Variants in NOTCH2 observed in about 807,000 individuals in gnomAD.
The protein encoded by NOTCH2 is notch receptor 2, also known as neurogenic locus notch homolog protein 2.
In NOTCH2, 29 loss-of-function variants were observed where a neutral mutation model predicts 235.8. The ratio of observed to expected loss-of-function variants is 0.12; its 90% confidence interval spans 0.09 to 0.17. The LOEUF (loss-of-function observed/expected upper bound fraction) is 0.17, where lower values mean the gene tolerates loss of function less well. Among genes scored for constraint, NOTCH2 ranks in the 10% least tolerant of loss-of-function variants. The probability of loss-of-function intolerance (pLI) is 1.00; values close to 1 mark genes in which losing one functional copy is unlikely to be tolerated. For synonymous variants in NOTCH2, 1,086 were observed against 1,141.5 expected, an observed-to-expected ratio of 0.95 and a Z score of 0.98; for missense variants, 2,285 against 3,150.2, an observed-to-expected ratio of 0.73 and a Z score of 6.57.
rs1210174575 is a variant in NOTCH2 at position 120,069,610 on chromosome 1, GC to G, written c.-205del. The G allele has an allele frequency of 7.1e-7, 1 of 1,409,110 alleles. No individual in the cohort carries two copies. Among genetic ancestry groups the G allele is most frequent in the Admixed American group, 3.2e-5 (1 of 31,734 alleles). 87.3% of individuals were successfully genotyped at this position (1,409,110 alleles called of 1,614,324 possible). On this transcript the variant is annotated 5_prime_UTR_variant, in exon 1 of 34. Coordinates refer to ENST00000256646, the MANE Select transcript of NOTCH2 (RefSeq NM_024408.4). ...CCGCCGCTCCTCGGCCGCCGCCTCA[GC>G]CGCCGCCCGAAGTTTGGCTGAAACT...
At chr1:119,985,695 A>AT in intron 5 of NOTCH2, among the ~76,000 whole-genome samples, 1 of 152,104 alleles carries the variant, frequency 6.6e-6, no homozygotes, top group African/African-American at 2.4e-5. Flanking sequence ...AAAAACACAA[A>AT]TTTTTCCAGT....
chr1:119,966,234 T>TAC lies in NOTCH2; in HGVS notation c.1567+140_1567+141dup, dbSNP rs1475318733. Reference sequence around the variant, plus strand: ...AGCTAAAACAAATTCTCTATTTCTGTACACACACACTCCTATCACCAAGCA... The same window carrying TAC: ...AGCTAAAACAAATTCTCTATTTCTGTACACACACACACTCCTATCACCAAGCA... On this transcript the variant is annotated intron_variant, in intron 9 of 33. Transcript: ENST00000256646. The TAC allele has an allele frequency of 2.9e-5, 21 of 717,786 alleles. No individual in the cohort carries two copies. The Admixed American group carries it at 3.8e-4, about 13-fold the overall frequency. 44.5% of individuals were successfully genotyped at this position (717,786 alleles called of 1,614,324 possible).
chr1:119,944,575 A>AT (rs1380927210), intron 17 of NOTCH2, among the ~76,000 whole-genome samples: 2 of 151,622 alleles, frequency 1.3e-5, no homozygotes, highest in African/African-American at 2.4e-5. Flanking sequence ...ACCAACAGGC[A>AT]TTATAATCAA....
Position 119,926,501 on chromosome 1 carries a change from G to A in NOTCH2, c.4003C>T (p.Pro1335Ser), listed in dbSNP as rs867828762. The change falls in exon 24 of 34, where the codon CCG (proline) becomes TCG (serine). Residue 1335 changes from proline (P) to serine (S), a missense_variant and splice_region_variant. Coordinates refer to ENST00000256646, the MANE Select transcript of NOTCH2 (RefSeq NM_024408.4). ...TAGATGAGCAACAGGGCACTTACCG[G>A]GGGACAACGGCAAATGAAACCATCA... is the stretch of plus-strand genomic sequence containing the variant. ...MPDGFICRCP[P>S]GFSGARCQSS... The A allele has an allele frequency of 6.3e-7, 1 of 1,598,086 alleles. No homozygotes were observed. The highest frequency in any genetic ancestry group is 8.5e-7 in the Non-Finnish European group (1 of 1,169,954).
Position 119,965,559 on chromosome 1 carries a change from A to G in NOTCH2, c.1575T>C (p.Thr525=). 1 of 1,611,400 alleles carries G rather than the reference A, an allele frequency of 6.2e-7. No homozygotes were observed. The highest frequency in any genetic ancestry group is 1.7e-5 in the Admixed American group (1 of 60,030). Residue 525 remains threonine (T), a synonymous_variant, in exon 10 of 34, where the codon ACT becomes ACC. Coordinates refer to ENST00000256646, the MANE Select transcript of NOTCH2 (RefSeq NM_024408.4). ...CAATATCAATCTGGCAAACTGGCCC[A>G]GTGAAACCTCAAAAAGGGACAGTGG... The part of the protein sequence containing the change: ...RFQCLCPPGF[T]GPVCQIDIDD...
At position 120,029,965 on chromosome 1, in the gene NOTCH2, A is replaced by G; in HGVS notation, c.96T>C (p.Tyr32=). ...ACATTCCTTCATTTACACAGGGTTC[A>G]TAGCCATCTCGACACTGCAATGCTA... is the stretch of plus-strand genomic sequence containing the variant. ...PAHALQCRDG[Y]EPCVNEGMCV... is the part of the protein sequence containing the mutation. The change falls in exon 2 of 34, where the codon TAT becomes TAC. Residue 32 remains tyrosine, a synonymous_variant. Coordinates refer to ENST00000256646, the MANE Select transcript of NOTCH2 (RefSeq NM_024408.4). 2 of 673,966 alleles carry G rather than the reference A, an allele frequency of 3.0e-6. No homozygotes were observed. Among genetic ancestry groups the G allele is most frequent in the South Asian group, 1.8e-5 (1 of 55,412 alleles). 41.7% of individuals were successfully genotyped at this position (673,966 alleles called of 1,614,324 possible).
At position 119,948,459 on chromosome 1, in the gene NOTCH2, A is replaced by T; in HGVS notation, c.2707T>A (p.Phe903Ile). 6.2e-7 allele frequency: 1 copy of T among 1,614,206 alleles called. No individual in the cohort carries two copies. The highest frequency in any genetic ancestry group is 8.5e-7 in the Non-Finnish European group (1 of 1,180,040). The change falls in exon 17 of 34, where the codon TTC becomes ATC. Residue 903 changes from phenylalanine (F) to isoleucine (I), a missense_variant. Physicochemically the swap from Phe to Ile is conservative, Grantham distance 21. Coordinates refer to ENST00000256646, the MANE Select transcript of NOTCH2 (RefSeq NM_024408.4). ...TCCTCCTCACAGTCCATACCACTGA[A>T]GCCTGGTGGACATTCACACATGTAG... ...GSYMCECPPG[F>I]SGMDCEEDID...
chr1:119,970,103 G>GA (rs140139206), intron 5 of NOTCH2, among the ~76,000 whole-genome samples: 1 of 152,002 alleles, frequency 6.6e-6, no homozygotes, highest in Non-Finnish European at 1.5e-5. Context: ...AAATGAGTAA[G>GA]AAAAAATAAT....
intron 12 of NOTCH2, among the ~76,000 whole-genome samples, chr1:119,956,730 C>G (rs939873641): frequency 6.6e-6 from 1 of 152,132 alleles, no homozygotes; most frequent in Non-Finnish European, 1.5e-5. Flanking sequence ...TTGGTCTTTT[C>G]TTGGAAGCGT....
At chr1:120,003,512 T>G (rs1216669507) in intron 3 of NOTCH2, among the ~76,000 whole-genome samples, 37 of 152,024 alleles carry the variant, frequency 2.4e-4, no homozygotes, top group Admixed American at 7.2e-4. Flanking sequence ...CACTAACTGA[T>G]CCAGTATAGT....
chr1:119,959,613 C>T, intron 11 of NOTCH2, 111 bp from the exon 12 acceptor site: 2 of 724,938 alleles, frequency 2.8e-6, no homozygotes, highest in Non-Finnish European at 5.0e-6. Context: ...TCCAGCCAAC[C>T]CTGGACAGAA....
chr1:119,965,101 A>G (rs1214191817), intron 10 of NOTCH2, among the ~76,000 whole-genome samples: 2 of 152,236 alleles, frequency 1.3e-5, no homozygotes, highest in African/African-American at 4.8e-5. Flanking sequence ...AGAAACACAG[A>G]GCCAGGCCTC....
chr1:119,921,665 G>T, intron 29 of NOTCH2, 48 bp downstream of exon 29: 2 of 1,501,342 alleles, frequency 1.3e-6, no homozygotes, highest in Non-Finnish European at 1.9e-6. Flanking sequence ...AATTTGAAAT[G>T]TAACCAGATA....
intron 30 of NOTCH2, 68 bp from the exon 31 acceptor site, chr1:119,919,681 G>C (rs1311059543): frequency 3.4e-6 from 5 of 1,465,626 alleles, no homozygotes; most frequent in East Asian, 4.7e-5. Context: ...GGTTGAAACA[G>C]CTCTATTTGA....
intron 4 of NOTCH2, among the ~76,000 whole-genome samples, chr1:119,987,584 T>G (rs886921080): frequency 6.6e-6 from 1 of 152,142 alleles, no homozygotes; most frequent in African/African-American, 2.4e-5. Context: ...ACTTAAAGTA[T>G]GAAGATATGG....
At chr1:120,067,391 G>C (rs1460517592) in intron 1 of NOTCH2, among the ~76,000 whole-genome samples, 1 of 151,970 alleles carries the variant, frequency 6.6e-6, no homozygotes, top group South Asian at 2.1e-4. Flanking sequence ...CACCTCAGCA[G>C]AGCAGAGGTG....
At chr1:119,948,718 T>C in intron 16 of NOTCH2, 152 bp from the exon 17 acceptor site, 1 of 957,200 alleles carries the variant, frequency 1.0e-6, no homozygotes, top group Non-Finnish European at 1.6e-6. Context: ...AAGACTTCTG[T>C]GGCCTAGGAA....
intron 1 of NOTCH2, among the ~76,000 whole-genome samples, chr1:120,058,183 A>AG (rs1655185956): frequency 1.3e-5 from 2 of 152,160 alleles, no homozygotes; most frequent in Admixed American, 1.3e-4. Flanking sequence ...AAATCAAAAA[A>AG]GAAAAAAAAA....
chr1:119,937,981 T>C lies in NOTCH2; in HGVS notation c.3213A>G (p.Pro1071=), dbSNP rs781906436. The C allele has an allele frequency of 6.2e-7, 1 of 1,614,174 alleles. No homozygotes were observed. The highest frequency in any genetic ancestry group is 8.5e-7 in the Non-Finnish European group (1 of 1,180,034). The change falls in exon 20 of 34, where the codon CCA becomes CCG. Residue 1071 remains proline, a synonymous_variant. Transcript: ENST00000256646. The stretch of plus-strand genomic sequence containing the variant: ...GAACGCAAGTACCTTTGTTTTTACA[T>C]GGAGACCGACTGCAGAGATTCACCA... The part of the protein sequence containing the change: ...QTLVNLCSRS[P]CKNKGTCVQK...
Sources: gnomAD v4.1 joint callset for allele counts (sites outside exome capture counted in the v4.1 genomes callset) on GRCh38, gnomAD v4.1.1 for gene constraint, MANE v1.5 for transcripts, NCBI Gene and HGNC (gene_info 2026-07-23, HGNC 2026-07-21) for gene names.